ZPLD1: variants seen among roughly 807,000 people sequenced by gnomAD.
ZPLD1 encodes zona pellucida like domain containing 1.
ZPLD1 carries 34 observed loss-of-function variants against 47.2 expected under a neutral mutation model. The observed-to-expected ratio is 0.72, with a 90% confidence interval of 0.55 to 0.96. ZPLD1 has a LOEUF of 0.96. Among genes scored for constraint, ZPLD1 ranks in the 40% least tolerant of loss-of-function variants. The probability of loss-of-function intolerance (pLI) is 0.00; values close to 1 mark genes in which losing one functional copy is unlikely to be tolerated. For missense variants in ZPLD1, 512 were observed against 505.8 expected (o/e 1.01, Z -0.12); for synonymous variants, 176 against 186.2 (o/e 0.95, Z 0.45).
chr3:102,453,441 C>CTTTATAAGAAAT (rs1707369914), intron 4 of ZPLD1, among the ~76,000 whole-genome samples: 1 of 152,166 alleles, frequency 6.6e-6, no homozygotes, highest in Non-Finnish European at 1.5e-5. Context: ...TAGCCATATT[C>CTTTATAAGAAAT]CTCAGGCTTT....
chr3:102,465,347 G>C (rs1707574276), intron 8 of ZPLD1, among the ~76,000 whole-genome samples: 1 of 152,024 alleles, frequency 6.6e-6, no homozygotes, highest in African/African-American at 2.4e-5. Flanking sequence ...GTATTAGATA[G>C]AAAAAAATGG....
At chr3:102,449,800 A>C (rs1029556857) in intron 3 of ZPLD1, among the ~76,000 whole-genome samples, 9 of 152,160 alleles carry the variant, frequency 5.9e-5, no homozygotes, top group African/African-American at 2.2e-4. Context: ...GTTTCATTAT[A>C]ATCTGTGGTT....
chr3:102,391,214 T>G (rs1039547366), intron 6 of ZPLD1, among the ~76,000 whole-genome samples: 6 of 152,190 alleles, frequency 3.9e-5, no homozygotes, highest in African/African-American at 1.2e-4. Context: ...TTTTATGAAG[T>G]ATTTAAAAAG....
intron 7 of ZPLD1, among the ~76,000 whole-genome samples, chr3:102,408,407 T>C (rs1406780467): frequency 1.3e-5 from 2 of 151,864 alleles, no homozygotes; most frequent in Admixed American, 1.3e-4. Context: ...ATTCATGGGA[T>C]TGTGGAAAGC....
intron 7 of ZPLD1, among the ~76,000 whole-genome samples, chr3:102,405,269 C>T (rs1311922241): frequency 6.6e-6 from 1 of 151,922 alleles, no homozygotes. Context: ...AAGTTCCTTA[C>T]CTTTTCTTTA....
chr3:102,393,116 A>G (rs1486139401), intron 7 of ZPLD1, among the ~76,000 whole-genome samples: 1 of 152,170 alleles, frequency 6.6e-6, no homozygotes, highest in Non-Finnish European at 1.5e-5. Context: ...TGTATGTTGT[A>G]ATTATATATT....
intron 3 of ZPLD1, among the ~76,000 whole-genome samples, chr3:102,450,684 G>T (rs932099743): frequency 3.3e-5 from 5 of 152,096 alleles, no homozygotes; most frequent in Admixed American, 3.3e-4. Flanking sequence ...CTAATTGAAG[G>T]ACATTAAGAC....
intron 6 of ZPLD1, among the ~76,000 whole-genome samples, chr3:102,460,891 A>T (rs936686391): frequency 2.6e-5 from 4 of 151,594 alleles, no homozygotes; most frequent in Admixed American, 2.6e-4. Flanking sequence ...AGTGTAGATT[A>T]TTTGGAGAAG....
intron 8 of ZPLD1, among the ~76,000 whole-genome samples, chr3:102,466,820 T>TA (rs1219164659): frequency 2.0e-5 from 3 of 151,448 alleles, no homozygotes; most frequent in African/African-American, 7.3e-5. Context: ...AAGATAGAAA[T>TA]AAAAAGGTGA....
chr3:102,440,595 G>A (rs1266235287), intron 3 of ZPLD1, among the ~76,000 whole-genome samples: 1 of 151,994 alleles, frequency 6.6e-6, no homozygotes, highest in Admixed American at 6.6e-5. Flanking sequence ...TACAGAGCTG[G>A]GTCTGAGAAG....
chr3:102,470,901 C>G (rs1707674204), intron 10 of ZPLD1, among the ~76,000 whole-genome samples: 1 of 152,020 alleles, frequency 6.6e-6, no homozygotes, highest in African/African-American at 2.4e-5. Flanking sequence ...GCCTCAGCCT[C>G]CAGGGTAGCT....
chr3:102,435,353 G>C (rs1010485599), intron 1 of ZPLD1, among the ~76,000 whole-genome samples, 199 bp downstream of exon 1: 10 of 152,158 alleles, frequency 6.6e-5, no homozygotes, highest in African/African-American at 1.9e-4. Flanking sequence ...TTAAAACACA[G>C]ATCAGCACAA....
chr3:102,478,161 G>T lies in ZPLD1; in HGVS notation c.*543G>T, dbSNP rs979918636. ...GTGTTTTTGGCCGATTTTCATGTCT[G>T]ACCATATTCATTTTAAAAGAAACTC... is the stretch of plus-strand genomic sequence containing the variant. On this transcript the variant is annotated 3_prime_UTR_variant, in exon 12 of 12. Coordinates refer to ENST00000466937, the MANE Select transcript of ZPLD1 (RefSeq NM_001329788.2). 7 of 152,162 alleles carry T rather than the reference G, an allele frequency of 4.6e-5. No homozygotes were observed. Among genetic ancestry groups the T allele is most frequent in the African/African-American group, 1.7e-4 (7 of 41,422 alleles). 9.4% of individuals were successfully genotyped at this position (152,162 alleles called of 1,614,324 possible). A position where few individuals can be genotyped will look rare whatever the true frequency, so the allele number is the denominator to read the frequency against.
At chr3:102,406,323 G>A (rs1379777076) in intron 7 of ZPLD1, among the ~76,000 whole-genome samples, 1 of 151,906 alleles carries the variant, frequency 6.6e-6, no homozygotes, top group Non-Finnish European at 1.5e-5. Context: ...GCATAAGCTT[G>A]ACACACAACT....
intron 7 of ZPLD1, among the ~76,000 whole-genome samples, chr3:102,396,081 A>G (rs767369557): frequency 5.9e-4 from 89 of 152,102 alleles, no homozygotes; most frequent in Non-Finnish European, 1.5e-4. Flanking sequence ...ATTGAATTAC[A>G]TGTTGTTGGA....
intron 6 of ZPLD1, among the ~76,000 whole-genome samples, chr3:102,390,260 C>T (rs905243792): frequency 6.6e-6 from 1 of 152,188 alleles, no homozygotes; most frequent in Admixed American, 6.5e-5. Flanking sequence ...TCTACTCTAA[C>T]TAACTTCAAA....
chr3:102,465,015 A>G (rs1462729747), intron 8 of ZPLD1, among the ~76,000 whole-genome samples: 2 of 152,220 alleles, frequency 1.3e-5, no homozygotes, highest in Admixed American at 6.5e-5. Context: ...TGGCTAATCA[A>G]GGGCAAGATG....
chr3:102,391,885 C>A (rs1358917877), intron 6 of ZPLD1, among the ~76,000 whole-genome samples: 1 of 152,080 alleles, frequency 6.6e-6, no homozygotes. Context: ...TGTAACAGGG[C>A]TGGGCAATGT....
intron 8 of ZPLD1, among the ~76,000 whole-genome samples, chr3:102,429,286 T>A (rs1045520249): frequency 2.0e-5 from 3 of 152,156 alleles, no homozygotes; most frequent in Non-Finnish European, 2.9e-5. Context: ...TGATTAAAAT[T>A]TTGCATTTCT....
Sources: gnomAD v4.1 joint callset for allele counts (sites outside exome capture counted in the v4.1 genomes callset) on GRCh38, gnomAD v4.1.1 for gene constraint, MANE v1.5 for transcripts, NCBI Gene and HGNC (gene_info 2026-07-23, HGNC 2026-07-21) for gene names.